VPS53: variants seen among roughly 807,000 people sequenced by gnomAD.
VPS53 encodes vacuolar protein sorting-associated protein 53 homolog.
In VPS53, 70 loss-of-function variants were observed where a neutral mutation model predicts 107.0. The ratio of observed to expected loss-of-function variants is 0.65; its 90% CI spans 0.54 to 0.80. VPS53 has a LOEUF of 0.80. VPS53 is among the 30% of genes least tolerant of loss of function. The pLI, the probability that VPS53 is intolerant of heterozygous loss-of-function variation, is 0.00. For synonymous variants in VPS53, 409 were observed against 393.3 expected (o/e 1.04, Z -0.47); for missense variants, 917 against 1,049.4 (o/e 0.87, Z 1.74).
At chr17:618,339 T>G (rs1969257514) in intron 11 of VPS53, among the ~76,000 whole-genome samples, 2 of 96,942 alleles carry the variant, frequency 2.1e-5, no homozygotes, top group African/African-American at 3.3e-5. Flanking sequence ...TAGCTGGGAC[T>G]ACAGGGGTGC....
chr17:650,855 T>G (rs554061274), intron 7 of VPS53, among the ~76,000 whole-genome samples: 25 of 152,336 alleles, frequency 1.6e-4, no homozygotes, highest in Admixed American at 3.3e-4. Context: ...TATGGGGTTC[T>G]GTGCATCAAT....
At chr17:558,295 G>A (rs1454081990) in intron 15 of VPS53, among the ~76,000 whole-genome samples, 7 of 152,044 alleles carry the variant, frequency 4.6e-5, no homozygotes, top group African/African-American at 1.2e-4. Flanking sequence ...GTGAAACCCC[G>A]TCTCTACTAA....
intron 10 of VPS53, among the ~76,000 whole-genome samples, chr17:626,889 G>A (rs979144792): frequency 6.6e-6 from 1 of 152,136 alleles, no homozygotes; most frequent in African/African-American, 2.4e-5. Context: ...GGGAAAACGT[G>A]GGGTAGAGGA....
At chr17:714,209 T>C in intron 1 of VPS53, 1 of 188,788 alleles carries the variant, frequency 5.3e-6, no homozygotes, top group Non-Finnish European at 1.1e-5. Flanking sequence ...CTTCAGAAAT[T>C]AAAGTCATTC....
chr17:536,167 C>A (rs1026782230), intron 18 of VPS53, among the ~76,000 whole-genome samples: 1 of 152,152 alleles, frequency 6.6e-6, no homozygotes, highest in African/African-American at 2.4e-5. Context: ...TGGCCACACA[C>A]AAGACACAGC....
At chr17:713,193 C>A (rs999527512) in intron 1 of VPS53, among the ~76,000 whole-genome samples, 2 of 151,764 alleles carry the variant, frequency 1.3e-5, no homozygotes, top group African/African-American at 2.4e-5. Context: ...CAGAGCAAGA[C>A]CCTATCTCAA....
chr17:561,536 C>G (rs1362980918), intron 14 of VPS53, among the ~76,000 whole-genome samples: 1 of 152,178 alleles, frequency 6.6e-6, no homozygotes, highest in Non-Finnish European at 1.5e-5. Context: ...CAAAAGCACA[C>G]AGATCACACA....
intron 5 of VPS53, among the ~76,000 whole-genome samples, chr17:658,523 G>A (rs1480926572): frequency 2.0e-5 from 3 of 151,232 alleles, no homozygotes; most frequent in South Asian, 2.1e-4. Flanking sequence ...CAGGGAGTTC[G>A]TGGATAGATA....
intron 8 of VPS53, among the ~76,000 whole-genome samples, chr17:629,804 AAAAACCACACAC>A (rs1567689747): frequency 3.2e-5 from 3 of 93,114 alleles, no homozygotes; most frequent in African/African-American, 8.3e-5. Context: ...AAAACAAAAA[AAAAACCACACAC>A]ACACACACAC....
chr17:709,922 G>A (rs1973574681), intron 2 of VPS53, among the ~76,000 whole-genome samples: 2 of 152,272 alleles, frequency 1.3e-5, no homozygotes, highest in East Asian at 1.9e-4. Flanking sequence ...CAAGGCAGGT[G>A]GATCACGAGG....
chr17:678,787 C>T (rs1384574647), intron 4 of VPS53, among the ~76,000 whole-genome samples: 2 of 152,038 alleles, frequency 1.3e-5, no homozygotes, highest in East Asian at 1.9e-4. Flanking sequence ...TACAGGCGCC[C>T]GCCATCACGC....
intron 7 of VPS53, among the ~76,000 whole-genome samples, chr17:650,214 G>A (rs1970883738): frequency 6.6e-6 from 1 of 152,214 alleles, no homozygotes; most frequent in Non-Finnish European, 1.5e-5. Context: ...GACAACTGGG[G>A]CTAGGTACAG....
intron 19 of VPS53, among the ~76,000 whole-genome samples, chr17:531,037 T>A (rs1037230976): frequency 2.0e-5 from 3 of 152,266 alleles, no homozygotes; most frequent in African/African-American, 7.2e-5. Flanking sequence ...GGATGGCAGC[T>A]GCTCCACTAC....
At chr17:564,933 C>T (rs1014998894) in intron 13 of VPS53, among the ~76,000 whole-genome samples, 1 of 152,156 alleles carries the variant, frequency 6.6e-6, no homozygotes, top group Non-Finnish European at 1.5e-5. Context: ...AGGGTTCCCA[C>T]CACTCCTGAC....
At chr17:694,604 T>C (rs960571131) in intron 4 of VPS53, among the ~76,000 whole-genome samples, 4 of 152,212 alleles carry the variant, frequency 2.6e-5, no homozygotes, top group African/African-American at 9.6e-5. Context: ...TAGCAGCAAG[T>C]TGGGACTCTT....
At chr17:581,869 G>A (rs1320435832) in intron 13 of VPS53, among the ~76,000 whole-genome samples, 4 of 145,884 alleles carry the variant, frequency 2.7e-5, no homozygotes, top group Admixed American at 2.0e-4. Context: ...CAGAACCTCA[G>A]TACATTCGCA....
At chr17:672,018 T>G (rs1472905060) in intron 4 of VPS53, among the ~76,000 whole-genome samples, 2 of 151,138 alleles carry the variant, frequency 1.3e-5, no homozygotes, top group Admixed American at 6.6e-5. Context: ...TCGCGGGTGG[T>G]AGGAGTCCCA....
chr17:612,639 A>G (rs1968943322), intron 11 of VPS53, among the ~76,000 whole-genome samples: 1 of 151,250 alleles, frequency 6.6e-6, no homozygotes, highest in African/African-American at 2.4e-5. Context: ...GTGAGTTCAC[A>G]CAGCGAAAAC....
Position 623,523 on chromosome 17 carries a change from A to C in VPS53, c.1116+10T>G, listed in dbSNP as rs1490743506. On this transcript the variant is annotated intron_variant, in intron 11 of 21. Coordinates refer to ENST00000437048, the MANE Select transcript of VPS53 (RefSeq NM_001128159.3). ...GATTTCACGTGGCAGCTCCCTAGGGAAGGTCTTACCAGGGTCCCATCGGTC... is the reference window on the plus strand; with the variant it reads ...GATTTCACGTGGCAGCTCCCTAGGGCAGGTCTTACCAGGGTCCCATCGGTC... 6.2e-7 allele frequency: 1 copy of C among 1,608,722 alleles called. No homozygotes were observed. Among genetic ancestry groups the C allele is most frequent in the Non-Finnish European group, 8.5e-7 (1 of 1,175,970 alleles).
Sources: gnomAD v4.1 joint callset for allele counts (sites outside exome capture counted in the v4.1 genomes callset) on GRCh38, gnomAD v4.1.1 for gene constraint, MANE v1.5 for transcripts, NCBI Gene and HGNC (gene_info 2026-07-23, HGNC 2026-07-21) for gene names.